The following AUTS2 variants were observed in gnomAD, a reference collection of about 807,000 sequenced individuals.
The protein encoded by AUTS2 is activator of transcription and developmental regulator AUTS2.
A neutral mutation model predicts 112.4 loss-of-function variants in AUTS2; 17 were observed. The observed-to-expected ratio is 0.15, with a 90% CI of 0.10 to 0.23. The LOEUF is 0.23. Ranked by LOEUF, AUTS2 falls within the 10% of genes least tolerant of loss-of-function variation. The pLI is 1.00. For missense variants in AUTS2, 1,510 were observed against 1,701.6 expected (o/e 0.89, Z 1.98); for synonymous variants, 751 against 702.7 (o/e 1.07, Z -1.09).
chr7:70,573,923 C>T (rs1802052326), intron 5 of AUTS2, among the ~76,000 whole-genome samples: 1 of 152,118 alleles, frequency 6.6e-6, no homozygotes, highest in Admixed American at 6.5e-5. Context: ...GTGCATCATC[C>T]AGATCTTGCT....
At chr7:70,352,071 A>G (rs1219472204) in intron 4 of AUTS2, among the ~76,000 whole-genome samples, 1 of 152,210 alleles carries the variant, frequency 6.6e-6, no homozygotes, top group Non-Finnish European at 1.5e-5. Flanking sequence ...AGCACTTTAC[A>G]AATATTTAAT....
chr7:70,293,549 T>G (rs923805414), intron 4 of AUTS2: 78 of 152,158 alleles, frequency 5.1e-4, no homozygotes, highest in Non-Finnish European at 1.0e-3. Flanking sequence ...TTTCACATGA[T>G]TTCCATGTGA....
At position 69,896,299 on chromosome 7, in the gene AUTS2, A is replaced by C. The variant is rs563613707; in HGVS notation, c.310-2987A>C. Among the ~76,000 whole-genome samples, 42 of 152,246 alleles carry C rather than the reference A, an allele frequency of 2.8e-4. No homozygotes were observed. In the South Asian group the frequency reaches 8.5e-3, roughly 31 times the overall value. ...GCCATGTGCGCTTGCTTTGATCTCG[A>C]CTTGTCCCCTGAAACACTTTTCACC... On this transcript the variant is annotated intron_variant, in intron 1 of 18. Coordinates refer to ENST00000342771, the MANE Select transcript of AUTS2 (RefSeq NM_015570.4).
intron 5 of AUTS2, among the ~76,000 whole-genome samples, chr7:70,675,219 G>A (rs544783993): frequency 2.0e-5 from 3 of 152,300 alleles, no homozygotes; most frequent in Non-Finnish European, 4.4e-5. Flanking sequence ...GTGACCAGGC[G>A]CAGTGGCTCA....
intron 4 of AUTS2, among the ~76,000 whole-genome samples, chr7:70,283,702 A>G (rs1209020972): frequency 2.0e-5 from 3 of 152,184 alleles, no homozygotes; most frequent in African/African-American, 7.2e-5. Flanking sequence ...GTTTGATACC[A>G]TTCATTTAAC....
intron 4 of AUTS2, among the ~76,000 whole-genome samples, chr7:70,395,251 A>G (rs759907459): frequency 3.4e-4 from 51 of 151,674 alleles, no homozygotes; most frequent in Admixed American, 7.2e-4. Flanking sequence ...CATAAAAGCT[A>G]CTATTAGCCA....
chr7:70,314,131 A>G (rs1789887440), intron 4 of AUTS2, among the ~76,000 whole-genome samples: 1 of 152,184 alleles, frequency 6.6e-6, no homozygotes, highest in Non-Finnish European at 1.5e-5. Context: ...GCTCCCAAGG[A>G]CACAGTGAGA....
chr7:70,613,137 A>G (rs925604869), intron 5 of AUTS2, among the ~76,000 whole-genome samples: 9 of 152,066 alleles, frequency 5.9e-5, no homozygotes, highest in African/African-American at 2.2e-4. Context: ...GGCCAGAGGC[A>G]GTGATTAAAG....
At chr7:70,105,051 AT>A (rs1804696415) in intron 2 of AUTS2, among the ~76,000 whole-genome samples, 1 of 152,188 alleles carries the variant, frequency 6.6e-6, no homozygotes, top group Admixed American at 6.5e-5. Flanking sequence ...TTACTACTAT[AT>A]TCCACTAGCT....
At chr7:70,068,426 T>C (rs1037713815) in intron 2 of AUTS2, among the ~76,000 whole-genome samples, 7 of 152,006 alleles carry the variant, frequency 4.6e-5, no homozygotes, top group Admixed American at 1.3e-4. Flanking sequence ...CTTCGTGATC[T>C]GCCCGCCTTG....
chr7:70,458,107 G>A (rs75011978), intron 5 of AUTS2, among the ~76,000 whole-genome samples: 1,779 of 152,206 alleles, frequency 0.012, 27 homozygotes, highest in African/African-American at 0.041. Flanking sequence ...CTTCCAGACT[G>A]TGTCTGCCTC....
At chr7:69,616,071 A>G (rs1436231723) in intron 1 of AUTS2, among the ~76,000 whole-genome samples, 1 of 152,168 alleles carries the variant, frequency 6.6e-6, no homozygotes, top group East Asian at 1.9e-4. Flanking sequence ...AATTGTGAGA[A>G]GGTCCTTTAG....
At chr7:70,141,203 A>T (rs1806843935) in intron 4 of AUTS2, among the ~76,000 whole-genome samples, 1 of 152,166 alleles carries the variant, frequency 6.6e-6, no homozygotes, top group Non-Finnish European at 1.5e-5. Flanking sequence ...TGACTGTATG[A>T]TGTCTCTGGA....
At chr7:70,042,254 G>A (rs2129557947) in intron 2 of AUTS2, among the ~76,000 whole-genome samples, 1 of 148,692 alleles carries the variant, frequency 6.7e-6, no homozygotes, top group Admixed American at 6.9e-5. Flanking sequence ...TTTCTTGGAG[G>A]AAAAGAGGAA....
intron 5 of AUTS2, among the ~76,000 whole-genome samples, chr7:70,678,943 A>G (rs1251620126): frequency 6.6e-6 from 1 of 152,184 alleles, no homozygotes; most frequent in African/African-American, 2.4e-5. Flanking sequence ...ACCTGGCCCA[A>G]TCAGAGTCTT....
At chr7:70,578,234 A>G (rs965701626) in intron 5 of AUTS2, among the ~76,000 whole-genome samples, 2 of 152,262 alleles carry the variant, frequency 1.3e-5, no homozygotes, top group African/African-American at 4.8e-5. Context: ...CTTAAAGATC[A>G]TCTAGTCTAG....
intron 2 of AUTS2, among the ~76,000 whole-genome samples, chr7:70,004,307 CTA>C (rs202044644): frequency 0.03 from 3,600 of 121,964 alleles, 205 homozygotes; most frequent in African/African-American, 0.1. Context: ...TTATATGTGA[CTA>C]TATATTATAT....
chr7:70,410,280 C>G (rs1050236952), intron 4 of AUTS2, among the ~76,000 whole-genome samples: 1 of 152,130 alleles, frequency 6.6e-6, no homozygotes, highest in Non-Finnish European at 1.5e-5. Context: ...ACTGCTCTAC[C>G]TCTTCCCCAT....
intron 5 of AUTS2, among the ~76,000 whole-genome samples, chr7:70,601,281 A>G (rs1803459965): frequency 6.6e-6 from 1 of 152,202 alleles, no homozygotes; most frequent in Non-Finnish European, 1.5e-5. Context: ...ATGATGTTGA[A>G]CATAGTTTTC....
Sources: gnomAD v4.1 joint callset for allele counts (sites outside exome capture counted in the v4.1 genomes callset) on GRCh38, gnomAD v4.1.1 for gene constraint, MANE v1.5 for transcripts, NCBI Gene and HGNC (gene_info 2026-07-23, HGNC 2026-07-21) for gene names.